Variants in FKBP5 observed in about 807,000 individuals in gnomAD.
FKBP5 encodes the protein peptidyl-prolyl cis-trans isomerase FKBP5.
In FKBP5, 23 loss-of-function variants were observed where a neutral mutation model predicts 50.5. The ratio of observed to expected loss-of-function variants is 0.46; its 90% CI spans 0.33 to 0.65. The LOEUF is 0.65. FKBP5 is among the 30% of genes least tolerant of loss of function. The pLI is 0.02. For synonymous variants in FKBP5, 176 were observed against 190.6 expected, an observed-to-expected ratio of 0.92 and a Z score of 0.63; for missense variants, 411 against 553.1, an observed-to-expected ratio of 0.74 and a Z score of 2.58.
At chr6:35,586,879 C>T in intron 8 of FKBP5, 155 bp downstream of exon 8, 1 of 1,476,536 alleles carries the variant, frequency 6.8e-7, no homozygotes, top group South Asian at 1.4e-5. Context: ...TGTTTTCTCA[C>T]CATTTTTCAT....
chr6:35,677,985 C>T (rs575440626), intron 1 of FKBP5, among the ~76,000 whole-genome samples: 1 of 151,980 alleles, frequency 6.6e-6, no homozygotes. Context: ...TATTTTACAT[C>T]GAGGGCATAT....
intron 3 of FKBP5, among the ~76,000 whole-genome samples, chr6:35,632,969 C>T (rs1277455999): frequency 6.6e-6 from 1 of 151,360 alleles, no homozygotes; most frequent in Non-Finnish European, 1.5e-5. Context: ...AAGACATATA[C>T]AAAGCAAGTG....
In FKBP5 at chr6:35,585,369, C is replaced by T. The variant is rs909932370; in HGVS notation, c.840+1665G>A. ...AATAGTTTAGAAGTATCCAATATAC[C>T]TCAATTAGAATTAAAAACAAAACAA... is the stretch of plus-strand genomic sequence containing the variant. On this transcript the variant is annotated intron_variant, in intron 8 of 10. Transcript: ENST00000357266. The T allele has an allele frequency of 4.1e-6, 4 of 978,486 alleles. No individual in the cohort carries two copies. The African/African-American group carries it at 7.0e-5, about 17-fold the overall frequency. 60.6% of individuals were successfully genotyped at this position (978,486 alleles called of 1,614,324 possible). A position where few individuals can be genotyped will look rare whatever the true frequency, so the allele number is the denominator to read the frequency against.
chr6:35,723,408 A>C (rs1766648540), intron 1 of FKBP5, among the ~76,000 whole-genome samples: 1 of 152,150 alleles, frequency 6.6e-6, no homozygotes, highest in East Asian at 1.9e-4. Flanking sequence ...CACTGGCAGA[A>C]GCTTGGGGCA....
intron 1 of FKBP5, among the ~76,000 whole-genome samples, chr6:35,645,111 C>A (rs1403266646): frequency 6.6e-6 from 1 of 152,246 alleles, no homozygotes; most frequent in African/African-American, 2.4e-5. Flanking sequence ...TGCTATTACT[C>A]TGTCTCCTAA....
chr6:35,652,606 G>A (rs968813305), intron 1 of FKBP5, among the ~76,000 whole-genome samples: 2 of 152,122 alleles, frequency 1.3e-5, no homozygotes, highest in Non-Finnish European at 2.9e-5. Flanking sequence ...ATAAACTTTG[G>A]TCAGACTAGT....
chr6:35,607,879 A>G (rs11966198), intron 5 of FKBP5: 14,752 of 187,706 alleles, frequency 0.079, 1,405 homozygotes, highest in African/African-American at 0.25. Flanking sequence ...AAGAGGAAGC[A>G]GGAGGAGCTG....
intron 1 of FKBP5, among the ~76,000 whole-genome samples, chr6:35,724,895 G>T (rs1766672529): frequency 6.6e-6 from 1 of 152,146 alleles, no homozygotes; most frequent in East Asian, 1.9e-4. Flanking sequence ...CCCCAGAATT[G>T]TTGTGAGGAG....
intron 1 of FKBP5, among the ~76,000 whole-genome samples, chr6:35,664,943 G>C (rs1019836685): frequency 2.0e-5 from 3 of 151,994 alleles, no homozygotes; most frequent in Non-Finnish European, 4.4e-5. Flanking sequence ...CATTCTCCTA[G>C]GTTTGCAACT....
intron 1 of FKBP5, among the ~76,000 whole-genome samples, chr6:35,686,101 ATACT>A (rs1432291189): frequency 6.6e-6 from 1 of 152,124 alleles, no homozygotes; most frequent in Non-Finnish European, 1.5e-5. Context: ...TTATTTAAAA[ATACT>A]TACTATCACC....
At chr6:35,619,632 A>AT (rs1403915698) in intron 4 of FKBP5, among the ~76,000 whole-genome samples, 1 of 152,204 alleles carries the variant, frequency 6.6e-6, no homozygotes, top group Non-Finnish European at 1.5e-5. Flanking sequence ...TTAAAGGTGT[A>AT]TTTTACCTAG....
chr6:35,581,051 A>C, intron 8 of FKBP5: 6 of 966,210 alleles, frequency 6.2e-6, no homozygotes, highest in Non-Finnish European at 7.4e-6. Context: ...TCTAGACAGT[A>C]TGTAAATCAA....
At chr6:35,653,062 C>T (rs542184028) in intron 1 of FKBP5, among the ~76,000 whole-genome samples, 93 of 152,216 alleles carry the variant, frequency 6.1e-4, no homozygotes, top group African/African-American at 2.2e-3. Flanking sequence ...TATTGATAGA[C>T]ATAAAGGTTG....
chr6:35,640,698 ATT>A (rs1764460954), intron 2 of FKBP5, among the ~76,000 whole-genome samples: 2 of 151,262 alleles, frequency 1.3e-5, no homozygotes, highest in Non-Finnish European at 1.5e-5. Context: ...GTACAAAAAT[ATT>A]TTCTTTCTTT....
At chr6:35,616,314 C>G (rs1246510284) in intron 5 of FKBP5, among the ~76,000 whole-genome samples, 1 of 57,450 alleles carries the variant, frequency 1.7e-5, no homozygotes, top group Non-Finnish European at 2.9e-5. Flanking sequence ...GACTCCATCT[C>G]AAAAAAAAAA....
intron 3 of FKBP5, among the ~76,000 whole-genome samples, chr6:35,629,428 AC>A (rs1457529989): frequency 6.6e-6 from 1 of 152,134 alleles, no homozygotes; most frequent in East Asian, 1.9e-4. Context: ...ATCTTATGTT[AC>A]ATTGTATTTT....
At chr6:35,614,529 GAAGA>G (rs1343466583) in intron 5 of FKBP5, among the ~76,000 whole-genome samples, 1 of 152,076 alleles carries the variant, frequency 6.6e-6, no homozygotes, top group Non-Finnish European at 1.5e-5. Context: ...AGGGGGTGAG[GAAGA>G]AAGAAGTTAC....
At chr6:35,710,362 G>T (rs986262168) in intron 2 of FKBP5, among the ~76,000 whole-genome samples, 1 of 151,926 alleles carries the variant, frequency 6.6e-6, no homozygotes, top group Non-Finnish European at 1.5e-5. Flanking sequence ...TGCAGTTCCA[G>T]CTACTCAGTG....
intron 3 of FKBP5, among the ~76,000 whole-genome samples, chr6:35,631,590 C>G (rs1168685674): frequency 6.6e-6 from 1 of 151,810 alleles, no homozygotes; most frequent in East Asian, 1.9e-4. Context: ...ATAAAAAAAC[C>G]AAAGTGGCTT....
Sources: gnomAD v4.1 joint callset for allele counts (sites outside exome capture counted in the v4.1 genomes callset) on GRCh38, gnomAD v4.1.1 for gene constraint, MANE v1.5 for transcripts, NCBI Gene and HGNC (gene_info 2026-07-23, HGNC 2026-07-21) for gene names.